The following MCUR1 variants were observed in gnomAD, a reference collection of about 807,000 sequenced individuals.
MCUR1 encodes the protein MCU regulator 1.
A neutral mutation model predicts 42.0 loss-of-function variants in MCUR1; 37 were observed. The observed-to-expected ratio is 0.88, with a 90% confidence interval of 0.68 to 1.16. The LOEUF (loss-of-function observed/expected upper bound fraction) is 1.16. Among genes scored for constraint, MCUR1 ranks in the 50% most tolerant of loss-of-function variants. The probability of loss-of-function intolerance (pLI) is 0.00; values close to 1 mark genes in which losing one functional copy is unlikely to be tolerated. For missense variants in MCUR1, 469 were observed against 468.4 expected, an observed-to-expected ratio of 1.00 and a Z score of -0.01; for synonymous variants, 229 against 196.2, an observed-to-expected ratio of 1.17 and a Z score of -1.40.
chr6:13,792,529 A>G (rs1759754109), intron 7 of MCUR1, among the ~76,000 whole-genome samples: 1 of 152,190 alleles, frequency 6.6e-6, no homozygotes, highest in Admixed American at 6.5e-5. Context: ...ATGTTCAAAT[A>G]TCAAGTGTTT....
intron 3 of MCUR1, 141 bp downstream of exon 3, chr6:13,802,101 TA>T: frequency 5.3e-6 from 3 of 566,908 alleles, no homozygotes; most frequent in Non-Finnish European, 9.3e-6. Flanking sequence ...TATGCCACTG[TA>T]ATCTTTTGCC....
In MCUR1 at chr6:13,802,306, C is replaced by G; in HGVS notation, c.576G>C (p.Leu192Phe). 6.2e-7 allele frequency: 1 copy of G among 1,613,748 alleles called. No individual in the cohort carries two copies. Among genetic ancestry groups the G allele is most frequent in the Non-Finnish European group, 8.5e-7 (1 of 1,179,814 alleles). ...TQQAEIIVSALVKILEANMDI... is the reference protein window; with the variant it reads ...TQQAEIIVSAFVKILEANMDI... ...CCATGTTGGCCTCCAGGATCTTGAC[C>G]AATGCAGACACAATGATTTCTGCTT... Residue 192 changes from leucine (L) to phenylalanine (F), a missense_variant, in exon 3 of 9, where the codon TTG becomes TTC. Leu to Phe is a conservative substitution (Grantham distance 22, BLOSUM62 0). Transcript: ENST00000379170.
chr6:13,794,963 C>A (rs1354055410), intron 6 of MCUR1, among the ~76,000 whole-genome samples: 1 of 151,968 alleles, frequency 6.6e-6, no homozygotes, highest in Non-Finnish European at 1.5e-5. Context: ...TAGTAGTGGG[C>A]AACAAGATTT....
At chr6:13,798,313 C>T (rs1034317612) in intron 6 of MCUR1, among the ~76,000 whole-genome samples, 2 of 152,008 alleles carry the variant, frequency 1.3e-5, no homozygotes, top group Non-Finnish European at 2.9e-5. Flanking sequence ...GGCAGGCACG[C>T]TGCCTCGAAC....
At position 13,790,820 on chromosome 6, in the gene MCUR1, G is replaced by T; in HGVS notation, c.1069C>A (p.Leu357Met). ...CLTVALGFYRLWI is the reference protein window; with the variant it reads ...CLTVALGFYRMWI ...AAATAGACACTTTATTAGATCCACA[G>T]GCGATAAAATCCCAGAGCTACTGTT... Residue 357 changes from leucine (L) to methionine (M), a missense_variant, in exon 9 of 9, where the codon CTG becomes ATG. By Grantham distance (15) the Leu-to-Met change is conservative. Coordinates refer to ENST00000379170, the MANE Select transcript of MCUR1 (RefSeq NM_001031713.4). The T allele has an allele frequency of 6.2e-7, 1 of 1,611,382 alleles. No homozygotes were observed. Among genetic ancestry groups the T allele is most frequent in the Non-Finnish European group, 8.5e-7 (1 of 1,178,204 alleles).
chr6:13,799,273 C>T (rs1180543555), intron 5 of MCUR1, among the ~76,000 whole-genome samples: 1 of 151,958 alleles, frequency 6.6e-6, no homozygotes, highest in Admixed American at 6.6e-5. Context: ...CAACTTCTGC[C>T]TCCTGCGTTC....
chr6:13,804,814 A>AT (rs1230089057), intron 2 of MCUR1, among the ~76,000 whole-genome samples: 106 of 148,876 alleles, frequency 7.1e-4, no homozygotes, highest in African/African-American at 2.4e-3. Context: ...AAAAAAAAAA[A>AT]GTGGAAGTCT....
intron 8 of MCUR1, 139 bp downstream of exon 8, chr6:13,791,739 G>C (rs1307690405): frequency 3.4e-6 from 2 of 596,550 alleles, no homozygotes; most frequent in Non-Finnish European, 5.7e-6. Context: ...ACTGGAAATT[G>C]TAAGATGCTT....
At chr6:13,812,130 G>C (rs1057253624) in intron 1 of MCUR1, among the ~76,000 whole-genome samples, 2 of 152,024 alleles carry the variant, frequency 1.3e-5, no homozygotes, top group African/African-American at 4.8e-5. Flanking sequence ...CCCTTTCTGG[G>C]GACCTTCAGC....
Position 13,791,910 on chromosome 6 carries a change from G to A in MCUR1, c.992C>T (p.Ser331Leu). 6.2e-7 allele frequency: 1 copy of A among 1,613,286 alleles called. No homozygotes were observed. Among genetic ancestry groups the A allele is most frequent in the East Asian group, 2.2e-5 (1 of 44,876 alleles). ...ATATTTAATATTATCAAGCTTGTGT[G>A]ACTCAAGCATGGTTTTGAGGCCAGC... ...EVAGLKTMLE[S>L]HKLDNIKYLA... Residue 331 changes from serine (S) to leucine (L), a missense_variant, in exon 8 of 9, where the codon TCA becomes TTA. Physicochemically the swap from Ser to Leu is moderately radical, Grantham distance 145. Transcript: ENST00000379170.
intron 2 of MCUR1, among the ~76,000 whole-genome samples, chr6:13,804,826 A>AAAACCTACTGAGTTATGAGGCAGAAATT (rs1760082099): frequency 1.3e-5 from 2 of 151,398 alleles, no homozygotes; most frequent in South Asian, 4.2e-4. Context: ...TGGAAGTCTG[A>AAAACCTACTGAGTTATGAGGCAGAAATT]AAACCTACTG....
At position 13,790,596 on chromosome 6, in the gene MCUR1, C is replaced by A. The variant is rs559506152; in HGVS notation, c.*213G>T. 3.1e-6 allele frequency: 1 copy of A among 325,598 alleles called. No homozygotes were observed. Among genetic ancestry groups the A allele is most frequent in the Non-Finnish European group, 5.8e-6 (1 of 172,902 alleles). 20.2% of individuals were successfully genotyped at this position (325,598 alleles called of 1,614,324 possible). A position where few individuals can be genotyped will look rare whatever the true frequency, so the allele number is the denominator to read the frequency against. The stretch of plus-strand genomic sequence containing the variant: ...CCTCCCGAGTAGCTGGGACTACAGG[C>A]GCCCGCCACCACGCCCGCCTAATGT... On this transcript the variant is annotated 3_prime_UTR_variant, in exon 9 of 9. Coordinates refer to ENST00000379170, the MANE Select transcript of MCUR1 (RefSeq NM_001031713.4).
At chr6:13,795,585 C>T (rs1196459865) in intron 6 of MCUR1, among the ~76,000 whole-genome samples, 7 of 152,238 alleles carry the variant, frequency 4.6e-5, no homozygotes, top group Non-Finnish European at 1.0e-4. Context: ...TAATTTACTA[C>T]TGCCTTGTGC....
rs181900171 is a variant in MCUR1 at position 13,813,225 on chromosome 6, T to C, written c.415+790A>G. On this transcript the variant is annotated intron_variant, in intron 1 of 8. Coordinates refer to ENST00000379170, the MANE Select transcript of MCUR1 (RefSeq NM_001031713.4). Reference sequence around the variant, plus strand: ...CACAAGGAAGAAGTCGCCTAATGACTCATTTCTCAGTAGGCGACTGTCCTG... The same window carrying C: ...CACAAGGAAGAAGTCGCCTAATGACCCATTTCTCAGTAGGCGACTGTCCTG... 2.5e-3 allele frequency among the ~76,000 whole-genome samples: 384 copies of C among 152,262 alleles called. 7 individuals are homozygous for C. Among genetic ancestry groups the C allele is most frequent in the Admixed American group, 0.023 (345 of 15,294 alleles).
intron 1 of MCUR1, among the ~76,000 whole-genome samples, chr6:13,813,705 T>C (rs1191019018): frequency 1.3e-5 from 2 of 152,188 alleles, no homozygotes; most frequent in African/African-American, 4.8e-5. Context: ...ACAGAACTCC[T>C]GGAAGGCGGC....
intron 1 of MCUR1, among the ~76,000 whole-genome samples, chr6:13,813,241 G>A (rs1013424177): frequency 2.0e-5 from 3 of 152,130 alleles, no homozygotes; most frequent in African/African-American, 7.2e-5. Flanking sequence ...CTCAGTAGGC[G>A]ACTGTCCTGA....
At chr6:13,809,634 T>C (rs919949378) in intron 1 of MCUR1, among the ~76,000 whole-genome samples, 1 of 151,692 alleles carries the variant, frequency 6.6e-6, no homozygotes, top group Non-Finnish European at 1.5e-5. Context: ...TAGTTCATGG[T>C]TGTAATTCCA....
At chr6:13,798,752 T>C (rs1759912388) in intron 6 of MCUR1, 81 bp downstream of exon 6, 5 of 984,124 alleles carry the variant, frequency 5.1e-6, no homozygotes, top group African/African-American at 3.2e-5. Context: ...ACCTATGACA[T>C]GTACATAAAC....
chr6:13,813,731 C>T (rs1760289939), intron 1 of MCUR1, among the ~76,000 whole-genome samples: 1 of 152,182 alleles, frequency 6.6e-6, no homozygotes, highest in South Asian at 2.1e-4. Flanking sequence ...AAAGCAGACC[C>T]TAGGAGTGGG....
Sources: allele counts gnomAD v4.1 joint callset (sites outside exome capture counted in the v4.1 genomes callset), GRCh38; gene constraint gnomAD v4.1.1; transcripts MANE v1.5; gene names NCBI Gene and HGNC (gene_info 2026-07-23, HGNC 2026-07-21).